ANKRD36: variants seen among roughly 807,000 people sequenced by gnomAD.
ANKRD36 encodes ankyrin repeat domain 36, also known as ankyrin repeat domain-containing protein 36A.
Under a neutral mutation model 278.1 loss-of-function variants are expected in ANKRD36, and 179 were observed. The observed-to-expected ratio is 0.64, with a 90% CI of 0.57 to 0.73. The LOEUF is 0.73. Among genes scored for constraint, ANKRD36 ranks in the 30% least tolerant of loss-of-function variants. The pLI, the probability that ANKRD36 is intolerant of heterozygous loss-of-function variation, is 0.00. For missense variants in ANKRD36, 1,159 were observed against 1,956.7 expected, an observed-to-expected ratio of 0.59 and a Z score of 7.69; for synonymous variants, 320 against 641.1, an observed-to-expected ratio of 0.50 and a Z score of 7.57.
At chr2:97,215,843 C>T (rs1294611150) in intron 62 of ANKRD36, 18 of 593,900 alleles carry the variant, frequency 3.0e-5, no homozygotes, top group Non-Finnish European at 4.9e-5. Context: ...ATATTATAGG[C>T]GTCAGATCAT....
chr2:97,203,071 A>T (rs1257725955), intron 48 of ANKRD36, among the ~76,000 whole-genome samples: 29 of 151,828 alleles, frequency 1.9e-4, no homozygotes, highest in African/African-American at 6.5e-4. Flanking sequence ...TAGGCATCAG[A>T]GATACATGTT....
chr2:97,144,969 G>A (rs2043886036), intron 10 of ANKRD36, among the ~76,000 whole-genome samples: 1 of 152,126 alleles, frequency 6.6e-6, no homozygotes, highest in East Asian at 1.9e-4. Context: ...ACAAGAGTCT[G>A]AGGGGACAGC....
intron 50 of ANKRD36, among the ~76,000 whole-genome samples, chr2:97,205,510 A>G (rs1185991311): frequency 6.6e-6 from 1 of 151,540 alleles, no homozygotes; most frequent in African/African-American, 2.4e-5. Flanking sequence ...GGCATGTTAA[A>G]GAGCATGATG....
intron 6 of ANKRD36, among the ~76,000 whole-genome samples, chr2:97,134,759 C>G (rs1413848170): frequency 6.6e-6 from 1 of 151,924 alleles, no homozygotes; most frequent in Non-Finnish European, 1.5e-5. Flanking sequence ...GTTTATGGTT[C>G]CTTTATATAT....
chr2:97,211,232 C>A (rs936185694), intron 56 of ANKRD36, among the ~76,000 whole-genome samples: 5 of 151,912 alleles, frequency 3.3e-5, no homozygotes, highest in African/African-American at 1.2e-4. Context: ...GTATGAGTTG[C>A]TCCTCTGATT....
At chr2:97,140,320 T>C (rs568828276) in intron 6 of ANKRD36, among the ~76,000 whole-genome samples, 1 of 152,034 alleles carries the variant, frequency 6.6e-6, no homozygotes, top group South Asian at 2.1e-4. Flanking sequence ...AAATAGGTTA[T>C]GTTCAATAAC....
At chr2:97,125,179 G>A (rs2038220869) in intron 5 of ANKRD36, among the ~76,000 whole-genome samples, 2 of 151,530 alleles carry the variant, frequency 1.3e-5, no homozygotes, top group African/African-American at 4.8e-5. Flanking sequence ...TTGCAGTCTG[G>A]TAGTGATTAA....
At chr2:97,188,460 A>G (rs1388976057) in intron 32 of ANKRD36, among the ~76,000 whole-genome samples, 1 of 151,762 alleles carries the variant, frequency 6.6e-6, no homozygotes, top group Admixed American at 6.6e-5. Flanking sequence ...TCGGAAGGCT[A>G]AACTAGTGGA....
intron 36 of ANKRD36, 101 bp downstream of exon 36, chr2:97,191,282 A>C (rs2058461974): frequency 7.8e-7 from 1 of 1,281,504 alleles, no homozygotes; most frequent in Non-Finnish European, 1.1e-6. Context: ...GCTGCACATT[A>C]TCATTCAGCT....
Position 97,209,787 on chromosome 2 carries a change from A to C in ANKRD36, c.3295-13A>C. The stretch of plus-strand genomic sequence containing the variant: ...GATACCTTACTTATTATTTCATTTC[A>C]AATTCCATTCAGGCTACAAGTGACG... On this transcript the variant is annotated splice_polypyrimidine_tract_variant and intron_variant, in intron 55 of 75. Transcript: ENST00000420699. 1 of 1,599,594 alleles carries C rather than the reference A, an allele frequency of 6.3e-7. No homozygotes were observed. Among genetic ancestry groups the C allele is most frequent in the Non-Finnish European group, 8.5e-7 (1 of 1,175,370 alleles).
At chr2:97,138,330 A>G (rs182833246) in intron 6 of ANKRD36, among the ~76,000 whole-genome samples, 1 of 152,120 alleles carries the variant, frequency 6.6e-6, no homozygotes, top group African/African-American at 2.4e-5. Flanking sequence ...GTGAACTCCC[A>G]TACACAATTG....
chr2:97,227,805 G>A lies in ANKRD36; in HGVS notation c.3951+2926G>A, dbSNP rs1170860446. Among the ~76,000 whole-genome samples, 21 of 152,204 alleles carry A rather than the reference G, an allele frequency of 1.4e-4. 1 individual carries two copies. Among genetic ancestry groups the A allele is most frequent in the South Asian group, 6.3e-4 (3 of 4,792 alleles). The stretch of plus-strand genomic sequence containing the variant: ...GATAGCTCTTATTATTTTGAAATAC[G>A]TCCCATCAATACCTAATTTATTGAG... On this transcript the variant is annotated intron_variant, in intron 67 of 75. Transcript: ENST00000420699.
At chr2:97,121,577 C>T (rs1418684473) in intron 3 of ANKRD36, among the ~76,000 whole-genome samples, 2 of 152,032 alleles carry the variant, frequency 1.3e-5, no homozygotes, top group East Asian at 3.8e-4. Context: ...ATCCGGGAGG[C>T]GGAGGTTGCA....
chr2:97,188,438 A>T (rs373574889), intron 32 of ANKRD36, among the ~76,000 whole-genome samples: 17 of 151,850 alleles, frequency 1.1e-4, no homozygotes, highest in African/African-American at 3.6e-4. Flanking sequence ...CCACGACTGG[A>T]TGAAGAAATT....
At position 97,211,736 on chromosome 2, in the gene ANKRD36, G is replaced by A. The variant is rs751647484; in HGVS notation, c.3464G>A (p.Gly1155Glu). 6.3e-7 allele frequency: 1 copy of A among 1,580,576 alleles called. No individual in the cohort carries two copies. Among genetic ancestry groups the A allele is most frequent in the African/African-American group, 1.4e-5 (1 of 74,008 alleles). Residue 1155 changes from glycine (G) to glutamate (E), a missense_variant, in exon 58 of 76, where the codon GGG becomes GAG. Coordinates refer to ENST00000420699, the MANE Select transcript of ANKRD36 (RefSeq NM_001354587.1). ...ATEKKDEQIS[G>E]TVSCQKQPAL... ...GAAAAAAAGGATGAACAAATATCTG[G>A]GACAGGTAATTTTGCAAACACATTT...
At chr2:97,222,203 C>T (rs1163743237) in intron 66 of ANKRD36, among the ~76,000 whole-genome samples, 2 of 151,842 alleles carry the variant, frequency 1.3e-5, no homozygotes, top group Admixed American at 6.6e-5. Flanking sequence ...AGTTTGAAGT[C>T]AGGTAGTGTG....
At chr2:97,219,772 T>G (rs1235227487) in intron 66 of ANKRD36, among the ~76,000 whole-genome samples, 1 of 137,984 alleles carries the variant, frequency 7.2e-6, no homozygotes, top group Non-Finnish European at 1.5e-5. Context: ...TGAACCACCA[T>G]GCCTGGCCTA....
In ANKRD36 at chr2:97,245,721, CA is replaced by C; in HGVS notation, c.5059del (p.Ser1687ValfsTer3). The C allele has an allele frequency of 9.0e-7, 1 of 1,116,068 alleles. No individual in the cohort carries two copies. Among genetic ancestry groups the C allele is most frequent in the East Asian group, 2.8e-5 (1 of 35,528 alleles). The allele number at this position is 1,116,068 out of a possible 1,614,324, so 69.1% of individuals were successfully genotyped here. A position where few individuals can be genotyped will look rare whatever the true frequency, so the allele number is the denominator to read the frequency against. On this transcript the variant is annotated frameshift_variant, in exon 71 of 76. Transcript: ENST00000420699. LOFTEE classifies it high-confidence loss of function. ...AAAGGCTTTGGTTTTTGAACACGTG[CA>C]AAGTGAGCTAAAGCAAAAACAGAGT... ...KEKALVFEHV[Q>X]SELKQKQSQM... is the part of the protein sequence containing the mutation.
intron 50 of ANKRD36, among the ~76,000 whole-genome samples, chr2:97,204,515 G>T (rs1265352266): frequency 4.0e-5 from 6 of 151,334 alleles, no homozygotes; most frequent in Admixed American, 2.0e-4. Flanking sequence ...AAGGCATAAG[G>T]GGCTCCGGGG....
Sources: gnomAD v4.1 joint callset for allele counts (sites outside exome capture counted in the v4.1 genomes callset) on GRCh38, gnomAD v4.1.1 for gene constraint, MANE v1.5 for transcripts, NCBI Gene and HGNC (gene_info 2026-07-23, HGNC 2026-07-21) for gene names.